Variants in PPARGC1B observed in about 807,000 individuals in gnomAD.
The protein encoded by PPARGC1B is PPARG coactivator 1 beta.
PPARGC1B carries 34 observed loss-of-function variants against 101.6 expected under a neutral mutation model. That is an observed-to-expected ratio of 0.33 (90% CI 0.25 to 0.45). The LOEUF (loss-of-function observed/expected upper bound fraction) is 0.45. Among genes scored for constraint, PPARGC1B ranks in the 20% least tolerant of loss-of-function variants. The probability of loss-of-function intolerance (pLI) is 1.00; values close to 1 mark genes in which losing one functional copy is unlikely to be tolerated. For missense variants in PPARGC1B, 1,234 were observed against 1,317.6 expected, an observed-to-expected ratio of 0.94 and a Z score of 0.98; for synonymous variants, 548 against 539.3, an observed-to-expected ratio of 1.02 and a Z score of -0.22.
chr5:149,831,851 C>T (rs1758796556), intron 4 of PPARGC1B, among the ~76,000 whole-genome samples: 1 of 152,166 alleles, frequency 6.6e-6, no homozygotes, highest in Non-Finnish European at 1.5e-5. Flanking sequence ...CATGGAGCCT[C>T]CCCTTTATCC....
chr5:149,764,696 A>G (rs781733605), intron 1 of PPARGC1B, among the ~76,000 whole-genome samples: 9 of 152,258 alleles, frequency 5.9e-5, no homozygotes, highest in East Asian at 1.9e-4. Context: ...TTAAATGCAC[A>G]TTTGAGAAAA....
intron 1 of PPARGC1B, among the ~76,000 whole-genome samples, chr5:149,786,377 T>C (rs56306046): frequency 0.11 from 17,146 of 152,210 alleles, 1,298 homozygotes; most frequent in Admixed American, 0.24. Flanking sequence ...ATTACAGGCA[T>C]GAGCCACCGC....
chr5:149,814,880 G>T (rs1161309423), intron 1 of PPARGC1B, among the ~76,000 whole-genome samples: 6 of 152,202 alleles, frequency 3.9e-5, no homozygotes, highest in Admixed American at 3.9e-4. Context: ...CCCACGGCAG[G>T]GGGTGAGCAG....
chr5:149,831,962 T>G (rs1758800847), intron 4 of PPARGC1B, among the ~76,000 whole-genome samples: 1 of 152,212 alleles, frequency 6.6e-6, no homozygotes, highest in Non-Finnish European at 1.5e-5. Context: ...TCTATGACTT[T>G]TAGTAAACTT....
Position 149,837,058 on chromosome 5 carries a change from C to T in PPARGC1B, c.2603C>T (p.Thr868Ile). 6.2e-7 allele frequency: 1 copy of T among 1,612,646 alleles called. No individual in the cohort carries two copies. Among genetic ancestry groups the T allele is most frequent in the South Asian group, 1.1e-5 (1 of 90,922 alleles). Residue 868 changes from threonine (T) to isoleucine (I), a missense_variant, in exon 8 of 12, where the codon ACT becomes ATT. By Grantham distance (89) the Thr-to-Ile change is moderately conservative. Coordinates refer to ENST00000309241, the MANE Select transcript of PPARGC1B (RefSeq NM_133263.4). This position sits in a 1 kb window ranked among gnomAD's most constrained non-coding sequence, Gnocchi z 4.2. ...CCCTGCCACTCCTGGTCACCAGCCACTCGAAGGAACTTCAGGTATGAACAG... is the reference window on the plus strand; with the variant it reads ...CCCTGCCACTCCTGGTCACCAGCCATTCGAAGGAACTTCAGGTATGAACAG... Reference protein sequence around the residue: ...SSPCHSWSPATRRNFRCESRG... With the variant: ...SSPCHSWSPAIRRNFRCESRG...
At chr5:149,780,673 A>G (rs970425859) in intron 1 of PPARGC1B, among the ~76,000 whole-genome samples, 1 of 152,240 alleles carries the variant, frequency 6.6e-6, no homozygotes, top group Non-Finnish European at 1.5e-5. Flanking sequence ...ATTAATAGAA[A>G]GCTGGGGCCT....
chr5:149,832,631 C>G lies in PPARGC1B; in HGVS notation c.583-25C>G, dbSNP rs778585290. 111 of 1,506,006 alleles carry G rather than the reference C, an allele frequency of 7.4e-5. No individual in the cohort carries two copies. The highest frequency in any genetic ancestry group is 2.8e-5 in the Non-Finnish European group (32 of 1,123,810). 93.3% of individuals were successfully genotyped at this position (1,506,006 alleles called of 1,614,324 possible). ...GGAGGAGTGTTTGGGCCTCCTTCCT[C>G]ACTCTGGCCTCTCTCCCTCTCTAGG... On this transcript the variant is annotated intron_variant, in intron 4 of 11. Transcript: ENST00000309241. This position sits in a 1 kb window ranked among gnomAD's most constrained non-coding sequence, Gnocchi z 4.9.
intron 1 of PPARGC1B, among the ~76,000 whole-genome samples, chr5:149,790,878 C>G (rs533054948): frequency 1.3e-5 from 2 of 152,102 alleles, no homozygotes; most frequent in East Asian, 3.9e-4. Flanking sequence ...TTCCTGGGTC[C>G]CTGCCAGAGA....
intron 1 of PPARGC1B, among the ~76,000 whole-genome samples, chr5:149,810,144 T>C (rs1042118970): frequency 1.3e-5 from 2 of 152,180 alleles, no homozygotes; most frequent in Admixed American, 6.5e-5. Context: ...CTGTACATCA[T>C]TTTACAGTTT....
At chr5:149,793,703 C>T (rs754076500) in intron 1 of PPARGC1B, among the ~76,000 whole-genome samples, 1 of 152,100 alleles carries the variant, frequency 6.6e-6, no homozygotes, top group Non-Finnish European at 1.5e-5. Context: ...GAAACAGGAC[C>T]CAAGCAGAGG....
At chr5:149,768,185 T>G (rs1385163861) in intron 1 of PPARGC1B, among the ~76,000 whole-genome samples, 2 of 152,212 alleles carry the variant, frequency 1.3e-5, no homozygotes, top group African/African-American at 4.8e-5. Context: ...TATTCCGCCT[T>G]GATTTTAATC....
chr5:149,848,402 T>TGG lies in PPARGC1B; in HGVS notation c.*846_*847dup, dbSNP rs1038679364. ...AGCTCCTCAAGAGGCGAAATGACTG[T>TGG]GGGAGGTCCGGTTACCAGTGAGGAG... On this transcript the variant is annotated 3_prime_UTR_variant, in exon 12 of 12. Coordinates refer to ENST00000309241, the MANE Select transcript of PPARGC1B (RefSeq NM_133263.4). 2 of 152,248 alleles carry TGG rather than the reference T, an allele frequency of 1.3e-5. No individual in the cohort carries two copies. The highest frequency in any genetic ancestry group is 4.8e-5 in the African/African-American group (2 of 41,448). The allele number at this position is 152,248 out of a possible 1,614,324, so 9.4% of individuals were successfully genotyped here.
At chr5:149,791,590 GTCTGGAGAGGCTGGTCT>G (rs1222088831) in intron 1 of PPARGC1B, among the ~76,000 whole-genome samples, 2 of 152,106 alleles carry the variant, frequency 1.3e-5, no homozygotes, top group African/African-American at 4.8e-5. Context: ...TGATCTTATG[GTCTGGAGAGGCTGGTCT>G]TTCATAGCAA....
intron 1 of PPARGC1B, among the ~76,000 whole-genome samples, chr5:149,806,363 G>A (rs1436885980): frequency 6.6e-6 from 1 of 152,188 alleles, no homozygotes; most frequent in African/African-American, 2.4e-5. Flanking sequence ...TAAATGCCAT[G>A]AAGGGGCTGC....
At chr5:149,788,820 G>A (rs1412280605) in intron 1 of PPARGC1B, among the ~76,000 whole-genome samples, 5 of 152,230 alleles carry the variant, frequency 3.3e-5, no homozygotes, top group Middle Eastern at 3.4e-3. Context: ...GCAAACTATC[G>A]CAAGGACAGA....
At position 149,730,723 on chromosome 5, in the gene PPARGC1B, G is replaced by T. The variant is rs1032876656; in HGVS notation, c.78+303G>T. ...GGGGGTACCGCGCTTCCTTTGGGAGGTGGAGGCGCGCCACGGTGTGGGGTA... is the reference window on the plus strand; with the variant it reads ...GGGGGTACCGCGCTTCCTTTGGGAGTTGGAGGCGCGCCACGGTGTGGGGTA... On this transcript the variant is annotated intron_variant, in intron 1 of 11. Coordinates refer to ENST00000309241, the MANE Select transcript of PPARGC1B (RefSeq NM_133263.4). This position sits in a 1 kb window ranked among gnomAD's most constrained non-coding sequence, Gnocchi z 4.0. Among the ~76,000 whole-genome samples, 1 of 152,172 alleles carries T rather than the reference G, an allele frequency of 6.6e-6. No homozygotes were observed. Among genetic ancestry groups the T allele is most frequent in the African/African-American group, 2.4e-5 (1 of 41,460 alleles).
intron 10 of PPARGC1B, among the ~76,000 whole-genome samples, chr5:149,843,251 C>T (rs1485466891): frequency 6.6e-6 from 1 of 152,150 alleles, no homozygotes; most frequent in Non-Finnish European, 1.5e-5. Flanking sequence ...ATCAGGGGAT[C>T]TGCAAAAAGA....
At position 149,831,013 on chromosome 5, in the gene PPARGC1B, T is replaced by C. The variant is rs958332193; in HGVS notation, c.582+130T>C. On this transcript the variant is annotated intron_variant, in intron 4 of 11. Transcript: ENST00000309241. ...CCACTCCTCCCACAGCCCTTGTAGC[T>C]GGTGTCCTGGGCACTGCTTCTGGAG... 4 of 712,488 alleles carry C rather than the reference T, an allele frequency of 5.6e-6. No homozygotes were observed. In the African/African-American group the frequency reaches 7.0e-5, roughly 13 times the overall value. The allele number at this position is 712,488 out of a possible 1,614,324, so 44.1% of individuals were successfully genotyped here.
chr5:149,824,620 G>T (rs1485713628), intron 2 of PPARGC1B, among the ~76,000 whole-genome samples: 4 of 152,176 alleles, frequency 2.6e-5, no homozygotes, highest in Non-Finnish European at 5.9e-5. Context: ...GGTCGCTGAG[G>T]CCCAAGTTCC....
Sources: allele counts gnomAD v4.1 joint callset (sites outside exome capture counted in the v4.1 genomes callset), GRCh38; gene constraint gnomAD v4.1.1; non-coding constraint Gnocchi (gnomAD v3.1); transcripts MANE v1.5; gene names NCBI Gene and HGNC (gene_info 2026-07-23, HGNC 2026-07-21).